The following ANO6 variants were observed in gnomAD, a reference collection of about 807,000 sequenced individuals.
ANO6 encodes the protein anoctamin 6, also known as anoctamin-6.
ANO6 carries 106 observed loss-of-function variants against 117.5 expected under a neutral mutation model. That is an observed-to-expected ratio of 0.90 (90% CI 0.77 to 1.06). ANO6 has a LOEUF of 1.06. Among genes scored for constraint, ANO6 ranks in the 50% least tolerant of loss-of-function variants. The probability of loss-of-function intolerance (pLI) is 0.00; values close to 1 mark genes in which losing one functional copy is unlikely to be tolerated. For synonymous variants in ANO6, 367 were observed against 385.1 expected (o/e 0.95, Z 0.55); for missense variants, 955 against 1,121.1 (o/e 0.85, Z 2.12).
chr12:45,243,068 A>T (rs1565641122), intron 1 of ANO6, among the ~76,000 whole-genome samples: 1 of 152,226 alleles, frequency 6.6e-6, no homozygotes, highest in Non-Finnish European at 1.5e-5. Flanking sequence ...TAATCCAAGC[A>T]CTTTGGGATA....
chr12:45,276,075 C>T (rs117389711), intron 1 of ANO6, among the ~76,000 whole-genome samples: 270 of 152,288 alleles, frequency 1.8e-3, no homozygotes, highest in Non-Finnish European at 2.9e-3. Flanking sequence ...CCTGCCTCTG[C>T]GCTCTGTGTC....
intron 12 of ANO6, among the ~76,000 whole-genome samples, chr12:45,399,589 C>A (rs755291315): frequency 8.5e-5 from 13 of 152,090 alleles, no homozygotes; most frequent in Non-Finnish European, 1.0e-4. Context: ...GTGGCTGTTA[C>A]TGAGTTATGT....
rs191012938 is a variant in ANO6, at chr12:45,224,277, G to T, written c.70+7886G>T. Reference sequence around the variant, plus strand: ...GTGAGGGCATGGGGCTAGGACAGCAGAGCGTCCTGAGTGTTTCTAAAGGCA... The same window carrying T: ...GTGAGGGCATGGGGCTAGGACAGCATAGCGTCCTGAGTGTTTCTAAAGGCA... On this transcript the variant is annotated intron_variant, in intron 1 of 19. Transcript: ENST00000320560. Among the ~76,000 whole-genome samples, 360 of 152,284 alleles carry T rather than the reference G, an allele frequency of 2.4e-3. 1 individual carries two copies. The highest frequency in any genetic ancestry group is 7.4e-3 in the African/African-American group (308 of 41,552).
chr12:45,376,888 AG>A (rs57637147), intron 9 of ANO6, among the ~76,000 whole-genome samples: 20,080 of 148,030 alleles, frequency 0.14, 1,778 homozygotes, highest in East Asian at 0.45. Flanking sequence ...AAAAAAAAAA[AG>A]AAGAAGAATG....
At chr12:45,290,542 G>T (rs1360140165) in intron 1 of ANO6, among the ~76,000 whole-genome samples, 27 of 152,146 alleles carry the variant, frequency 1.8e-4, no homozygotes, top group Non-Finnish European at 2.9e-5. Flanking sequence ...GAGCCTGAGG[G>T]TCTTAGGAGA....
intron 12 of ANO6, among the ~76,000 whole-genome samples, chr12:45,397,973 A>C (rs1360588208): frequency 1.4e-4 from 2 of 14,624 alleles, no homozygotes; most frequent in Non-Finnish European, 1.9e-3. Flanking sequence ...CCTAGAACTT[A>C]AAGTATAAAA....
At chr12:45,261,996 TA>T (rs1431563660) in intron 1 of ANO6, among the ~76,000 whole-genome samples, 3 of 152,336 alleles carry the variant, frequency 2.0e-5, no homozygotes, top group African/African-American at 7.2e-5. Context: ...CATAGCAAGG[TA>T]AATGATTTTG....
In ANO6 at chr12:45,216,132, C is replaced by T. The variant is rs756162893; in HGVS notation, c.-190C>T. 2.7e-5 allele frequency: 17 copies of T among 621,780 alleles called. No individual in the cohort carries two copies. Among genetic ancestry groups the T allele is most frequent in the African/African-American group, 3.8e-5 (2 of 52,182 alleles). The allele number at this position is 621,780 out of a possible 1,614,324, so 38.5% of individuals were successfully genotyped here. On this transcript the variant is annotated 5_prime_UTR_variant, in exon 1 of 20. Transcript: ENST00000320560. ...CCGCTCGGCAGGCGAGAGGCGTCCTCCGGCTCTGGGCTCCGGTCGGTGGGT... is the reference window on the plus strand; with the variant it reads ...CCGCTCGGCAGGCGAGAGGCGTCCTTCGGCTCTGGGCTCCGGTCGGTGGGT...
intron 2 of ANO6, among the ~76,000 whole-genome samples, chr12:45,305,297 A>G (rs10748420): frequency 0.94 from 143,242 of 152,246 alleles, 68,004 homozygotes; most frequent in East Asian, 1. Flanking sequence ...GCTGTGGTGG[A>G]AAACTGTCCC....
intron 2 of ANO6, among the ~76,000 whole-genome samples, chr12:45,302,657 CT>C (rs1939533784): frequency 6.6e-6 from 1 of 152,246 alleles, no homozygotes; most frequent in African/African-American, 2.4e-5. Context: ...AATTAAAAAT[CT>C]TATTAGAAGC....
chr12:45,264,263 CG>C (rs1938142980), intron 1 of ANO6, among the ~76,000 whole-genome samples: 1 of 152,172 alleles, frequency 6.6e-6, no homozygotes, highest in Non-Finnish European at 1.5e-5. Flanking sequence ...ATGTGTTATT[CG>C]AGTGTTGAAT....
At chr12:45,348,897 C>T (rs1941212678) in intron 6 of ANO6, among the ~76,000 whole-genome samples, 1 of 152,144 alleles carries the variant, frequency 6.6e-6, no homozygotes, top group Non-Finnish European at 1.5e-5. Flanking sequence ...TATAGATTAG[C>T]AGTTAATCTG....
In ANO6 at chr12:45,227,557, C is replaced by G. The variant is rs139577514; in HGVS notation, c.70+11166C>G. 7.7e-3 allele frequency among the ~76,000 whole-genome samples: 1,164 copies of G among 152,124 alleles called. 16 individuals carry two copies. The highest frequency in any genetic ancestry group is 0.027 in the African/African-American group (1,118 of 41,510). On this transcript the variant is annotated intron_variant, in intron 1 of 19. Coordinates refer to ENST00000320560, the MANE Select transcript of ANO6 (RefSeq NM_001025356.3). ...TATGCACAGTACTGGACAAGGGGCC[C>G]TTTTCACTTAGACACTTATGAGGGC... is the stretch of plus-strand genomic sequence containing the variant.
chr12:45,241,116 G>A (rs1015094735), intron 1 of ANO6, among the ~76,000 whole-genome samples: 9 of 152,192 alleles, frequency 5.9e-5, no homozygotes, highest in African/African-American at 2.2e-4. Flanking sequence ...GGTTGGAGAA[G>A]TTCTCCTGGA....
intron 2 of ANO6, among the ~76,000 whole-genome samples, chr12:45,318,434 A>C (rs1326694453): frequency 1.3e-5 from 2 of 152,124 alleles, no homozygotes; most frequent in Non-Finnish European, 2.9e-5. Flanking sequence ...AAATAGTTGT[A>C]GATGTGTGGT....
chr12:45,324,649 C>T (rs1940400547), intron 2 of ANO6, among the ~76,000 whole-genome samples: 1 of 152,070 alleles, frequency 6.6e-6, no homozygotes, highest in Non-Finnish European at 1.5e-5. Flanking sequence ...GATGAGTTCA[C>T]CAAAGAAATT....
Position 45,430,391 on chromosome 12 carries a change from C to T in ANO6, c.*1080C>T. ...CATTGTGGTCATTGGGTGGGGAGTG[C>T]CTTTTGTCAAGGAGTCTGCAGGAAT... is the stretch of plus-strand genomic sequence containing the variant. On this transcript the variant is annotated 3_prime_UTR_variant, in exon 20 of 20. Transcript: ENST00000320560. The T allele has an allele frequency of 1.0e-6, 1 of 985,270 alleles. No individual in the cohort carries two copies. Among genetic ancestry groups the T allele is most frequent in the Non-Finnish European group, 1.2e-6 (1 of 829,940 alleles). 61.0% of individuals were successfully genotyped at this position (985,270 alleles called of 1,614,324 possible).
chr12:45,402,725 C>T (rs1942824750), intron 13 of ANO6, among the ~76,000 whole-genome samples: 1 of 152,212 alleles, frequency 6.6e-6, no homozygotes, highest in African/African-American at 2.4e-5. Flanking sequence ...AAGAGAATAT[C>T]ATTTAGCAGG....
chr12:45,307,022 T>A (rs558597635), intron 2 of ANO6, among the ~76,000 whole-genome samples: 1 of 152,012 alleles, frequency 6.6e-6, no homozygotes, highest in Non-Finnish European at 1.5e-5. Context: ...TTTAAGGAAA[T>A]GGAAGACCAC....
Sources: gnomAD v4.1 joint callset for allele counts (sites outside exome capture counted in the v4.1 genomes callset) on GRCh38, gnomAD v4.1.1 for gene constraint, MANE v1.5 for transcripts, NCBI Gene and HGNC (gene_info 2026-07-23, HGNC 2026-07-21) for gene names.